Variants in DLG2 observed in about 807,000 individuals in gnomAD.
The protein encoded by DLG2 is disks large homolog 2.
Under a neutral mutation model 132.5 loss-of-function variants are expected in DLG2, and 45 were observed. That is an observed-to-expected ratio of 0.34 (90% CI 0.27 to 0.44). DLG2 has a LOEUF of 0.44. DLG2 is among the 20% of genes least tolerant of loss of function. The pLI, the probability that DLG2 is intolerant of heterozygous loss-of-function variation, is 1.00. For missense variants in DLG2, 1,045 were observed against 1,196.9 expected (o/e 0.87, Z 1.87); for synonymous variants, 424 against 419.6 (o/e 1.01, Z -0.13).
In DLG2 at chr11:85,164,900, C is replaced by G. The variant is rs891997505; in HGVS notation, c.187-10249G>C. Among the ~76,000 whole-genome samples the G allele has an allele frequency of 3.3e-5, 5 of 152,260 alleles. No individual in the cohort carries two copies. In the South Asian group the frequency reaches 8.3e-4, roughly 25 times the overall value. On this transcript the variant is annotated intron_variant, in intron 4 of 27. Transcript: ENST00000376104. ...AGCCACTTTCTTACTGCCCACACATCCTTTCAAATTGTGGTTCCCAGACCA... is the reference window on the plus strand; with the variant it reads ...AGCCACTTTCTTACTGCCCACACATGCTTTCAAATTGTGGTTCCCAGACCA...
Position 85,154,601 on chromosome 11 carries a change from AT to A in DLG2, c.236del (p.Asn79IlefsTer59). On this transcript the variant is annotated frameshift_variant, in exon 5 of 28. Coordinates refer to ENST00000376104, the MANE Select transcript of DLG2 (RefSeq NM_001142699.3). LOFTEE classifies it high-confidence loss of function. ...SKENASCIEQ[N>X]KENQSFENET... ...CATTTTCAAAACTCTGATTTTCTTT[AT>A]TTTGCTCAATACATGAAGCATTTTC... 1 of 1,540,098 alleles carries A rather than the reference AT, an allele frequency of 6.5e-7. No individual in the cohort carries two copies. The highest frequency in any genetic ancestry group is 8.8e-7 in the Non-Finnish European group (1 of 1,137,418).
chr11:84,791,191 G>GC (rs1213834082), intron 6 of DLG2, among the ~76,000 whole-genome samples: 6 of 152,052 alleles, frequency 3.9e-5, no homozygotes, highest in East Asian at 1.9e-4. Context: ...GGGGAAAACT[G>GC]CCCCCATAAA....
chr11:84,212,447 C>A (rs892303556), intron 8 of DLG2, among the ~76,000 whole-genome samples: 1 of 152,134 alleles, frequency 6.6e-6, no homozygotes, highest in Non-Finnish European at 1.5e-5. Flanking sequence ...AAGAGCCATG[C>A]AAATGAATGG....
At chr11:83,921,394 C>G (rs886317595) in intron 15 of DLG2, among the ~76,000 whole-genome samples, 6 of 152,146 alleles carry the variant, frequency 3.9e-5, no homozygotes, top group African/African-American at 1.4e-4. Flanking sequence ...GCAACTATCT[C>G]ATCTCATTGT....
intron 6 of DLG2, among the ~76,000 whole-genome samples, chr11:85,043,749 C>T (rs915093773): frequency 7.9e-5 from 12 of 151,836 alleles, no homozygotes; most frequent in Admixed American, 2.6e-4. Context: ...TTTCTATTAG[C>T]TCTATTTTTA....
intron 3 of DLG2, among the ~76,000 whole-genome samples, chr11:85,559,818 T>TGATAGATTAGATA (rs150774935): frequency 4.8e-5 from 7 of 144,444 alleles, no homozygotes; most frequent in African/African-American, 7.5e-5. Flanking sequence ...GTTAGATGAT[T>TGATAGATTAGATA]GATAGATAGA....
intron 11 of DLG2, among the ~76,000 whole-genome samples, chr11:84,007,206 A>T (rs2154057056): frequency 6.6e-6 from 1 of 151,808 alleles, no homozygotes; most frequent in Non-Finnish European, 1.5e-5. Context: ...GAAACAACAG[A>T]GGGCTTACTC....
intron 6 of DLG2, among the ~76,000 whole-genome samples, chr11:84,986,176 C>CT (rs1200120007): frequency 6.6e-6 from 1 of 151,986 alleles, no homozygotes; most frequent in Non-Finnish European, 1.5e-5. Context: ...CTACGAACAC[C>CT]TTTAGGCACA....
intron 6 of DLG2, among the ~76,000 whole-genome samples, chr11:84,590,061 G>A (rs1036736905): frequency 1.3e-5 from 2 of 152,118 alleles, no homozygotes; most frequent in Admixed American, 6.6e-5. Flanking sequence ...CTGAGAAAAC[G>A]GGAAATAACA....
At chr11:85,503,960 A>C (rs2093866655) in intron 3 of DLG2, among the ~76,000 whole-genome samples, 1 of 152,122 alleles carries the variant, frequency 6.6e-6, no homozygotes, top group South Asian at 2.1e-4. Context: ...GAGGAGGGAC[A>C]GTGATGATGA....
At chr11:84,722,985 G>A (rs2062007135) in intron 6 of DLG2, among the ~76,000 whole-genome samples, 1 of 152,110 alleles carries the variant, frequency 6.6e-6, no homozygotes, top group South Asian at 2.1e-4. Flanking sequence ...AAAATTTAAA[G>A]TCAAATGTAC....
intron 19 of DLG2, among the ~76,000 whole-genome samples, chr11:83,625,244 C>T (rs1323599210): frequency 1.3e-5 from 2 of 152,116 alleles, no homozygotes; most frequent in African/African-American, 2.4e-5. Flanking sequence ...AAAAATGTGA[C>T]TTATAACACA....
At chr11:84,303,519 G>A (rs542294119) in intron 7 of DLG2, among the ~76,000 whole-genome samples, 7 of 152,236 alleles carry the variant, frequency 4.6e-5, no homozygotes, top group South Asian at 2.1e-4. Flanking sequence ...AATGTATTTC[G>A]TGACATTATT....
At chr11:84,859,067 C>A (rs923088290) in intron 6 of DLG2, among the ~76,000 whole-genome samples, 1 of 151,864 alleles carries the variant, frequency 6.6e-6, no homozygotes, top group African/African-American at 2.4e-5. Context: ...TGAGTTAATA[C>A]AACCTACTTC....
intron 3 of DLG2, among the ~76,000 whole-genome samples, chr11:85,425,418 G>T (rs1206411472): frequency 1.3e-5 from 2 of 151,888 alleles, no homozygotes; most frequent in Admixed American, 1.3e-4. Flanking sequence ...TTACCATAAT[G>T]AACATATATA....
intron 12 of DLG2, among the ~76,000 whole-genome samples, chr11:83,976,482 T>C (rs1348259103): frequency 6.6e-6 from 1 of 151,778 alleles, no homozygotes; most frequent in Non-Finnish European, 1.5e-5. Flanking sequence ...ATACAAAGAA[T>C]ATGAATGTAG....
chr11:84,582,555 A>AAAC (rs1440378380), intron 6 of DLG2, among the ~76,000 whole-genome samples: 1 of 150,014 alleles, frequency 6.7e-6, no homozygotes, highest in Non-Finnish European at 1.5e-5. Context: ...ATGTTTTCCA[A>AAAC]AATAATAATA....
At chr11:85,069,196 A>G (rs961566937) in intron 6 of DLG2, among the ~76,000 whole-genome samples, 58 of 152,208 alleles carry the variant, frequency 3.8e-4, no homozygotes, top group African/African-American at 1.3e-3. Flanking sequence ...AACCATAAAA[A>G]TCCTAGAAGA....
chr11:85,446,886 A>G (rs1210283498), intron 3 of DLG2, among the ~76,000 whole-genome samples: 5 of 151,978 alleles, frequency 3.3e-5, no homozygotes. Context: ...AAAATGAAAA[A>G]CTTCTAAGAA....
Sources: gnomAD v4.1 joint callset for allele counts (sites outside exome capture counted in the v4.1 genomes callset) on GRCh38, gnomAD v4.1.1 for gene constraint, MANE v1.5 for transcripts, NCBI Gene and HGNC (gene_info 2026-07-23, HGNC 2026-07-21) for gene names.